TRDN: variants seen among roughly 807,000 people sequenced by gnomAD.
TRDN encodes the protein triadin in skeletal muscle.
A neutral mutation model predicts 149.7 loss-of-function variants in TRDN; 161 were observed. The observed-to-expected ratio is 1.08, with a 90% CI of 0.95 to 1.23. The LOEUF (loss-of-function observed/expected upper bound fraction) is 1.23, where lower values mean the gene tolerates loss of function less well. TRDN is among the 50% of genes most tolerant of loss of function. The pLI is 0.00. For synonymous variants in TRDN, 294 were observed against 250.5 expected (o/e 1.17, Z -1.64); for missense variants, 896 against 823.5 (o/e 1.09, Z -1.08).
chr6:123,580,503 T>G (rs767410259), intron 1 of TRDN, among the ~76,000 whole-genome samples: 20 of 152,212 alleles, frequency 1.3e-4, no homozygotes, highest in Admixed American at 6.5e-4. Flanking sequence ...TTTCTTGTTC[T>G]CTGCAATGGC....
intron 10 of TRDN, among the ~76,000 whole-genome samples, chr6:123,452,460 A>G (rs536410686): frequency 6.6e-6 from 1 of 151,486 alleles, no homozygotes; most frequent in East Asian, 2.0e-4. Context: ...GCAACAACCA[A>G]GCAGAAAATT....
Position 123,636,790 on chromosome 6 carries a change from G to GT in TRDN, c.-16dup, listed in dbSNP as rs1208189380. 1 of 1,611,330 alleles carries GT rather than the reference G, an allele frequency of 6.2e-7. No individual in the cohort carries two copies. The highest frequency in any genetic ancestry group is 8.5e-7 in the Non-Finnish European group (1 of 1,178,294). ...ATCTCAGTCATGGTGGTCGTCAAAA[G>GT]TAAAAGTCAGTTGAAAAGTTCCCGT... On this transcript the variant is annotated 5_prime_UTR_variant, in exon 1 of 41. Coordinates refer to ENST00000334268, the MANE Select transcript of TRDN (RefSeq NM_006073.4).
intron 23 of TRDN, among the ~76,000 whole-genome samples, chr6:123,321,839 C>T (rs1779254714): frequency 6.6e-6 from 1 of 151,032 alleles, no homozygotes; most frequent in South Asian, 2.1e-4. Context: ...AGACACAATG[C>T]TTTGTGGTCC....
intron 9 of TRDN, among the ~76,000 whole-genome samples, chr6:123,494,628 A>T (rs1283003573): frequency 6.6e-6 from 1 of 152,194 alleles, no homozygotes; most frequent in East Asian, 1.9e-4. Context: ...GTCTCATCTC[A>T]TATGTAAGTA....
chr6:123,327,259 C>T (rs1779492046), intron 23 of TRDN, among the ~76,000 whole-genome samples: 1 of 151,996 alleles, frequency 6.6e-6, no homozygotes, highest in Admixed American at 6.6e-5. Context: ...ATTTCCATAT[C>T]ATTTTAATTA....
At chr6:123,347,094 G>A (rs1183207309) in intron 21 of TRDN, among the ~76,000 whole-genome samples, 8 of 152,006 alleles carry the variant, frequency 5.3e-5, no homozygotes, top group African/African-American at 1.9e-4. Flanking sequence ...GTCACACTGA[G>A]GCTTGGTAGC....
intron 9 of TRDN, among the ~76,000 whole-genome samples, chr6:123,467,917 C>T (rs1288727244): frequency 6.6e-6 from 1 of 152,138 alleles, no homozygotes; most frequent in Admixed American, 6.5e-5. Flanking sequence ...AGCTTCAGAT[C>T]TGTCACTTAG....
intron 10 of TRDN, among the ~76,000 whole-genome samples, chr6:123,447,116 C>A (rs1186586155): frequency 6.7e-6 from 1 of 149,806 alleles, no homozygotes; most frequent in Non-Finnish European, 1.5e-5. Context: ...TTTTTTTTTG[C>A]CTTGACTTTT....
At chr6:123,395,637 G>A (rs1324476519) in intron 12 of TRDN, among the ~76,000 whole-genome samples, 1 of 152,086 alleles carries the variant, frequency 6.6e-6, no homozygotes, top group Admixed American at 6.5e-5. Context: ...AAAGAAAACA[G>A]TCCACAAATG....
At chr6:123,611,739 A>ATAT (rs1186129838) in intron 1 of TRDN, among the ~76,000 whole-genome samples, 1 of 152,136 alleles carries the variant, frequency 6.6e-6, no homozygotes, top group Admixed American at 6.6e-5. Context: ...TTTTCACCAA[A>ATAT]TATTCTTGAT....
At chr6:123,527,088 A>G (rs1779987611) in intron 5 of TRDN, among the ~76,000 whole-genome samples, 1 of 152,026 alleles carries the variant, frequency 6.6e-6, no homozygotes, top group African/African-American at 2.4e-5. Flanking sequence ...GAAGTTACCA[A>G]ATTTGGATTC....
intron 9 of TRDN, 110 bp downstream of exon 9, chr6:123,497,083 T>G (rs1778480751): frequency 2.7e-6 from 2 of 752,242 alleles, no homozygotes; most frequent in Non-Finnish European, 4.1e-6. Flanking sequence ...GATCTACACA[T>G]GCATTATGCA....
chr6:123,365,759 C>T (rs547984825), intron 20 of TRDN, among the ~76,000 whole-genome samples: 18 of 152,254 alleles, frequency 1.2e-4, no homozygotes, highest in African/African-American at 4.3e-4. Flanking sequence ...CAAAGTGAAT[C>T]TTGTTCATGT....
intron 9 of TRDN, among the ~76,000 whole-genome samples, chr6:123,478,277 T>A (rs575877935): frequency 6.6e-6 from 1 of 152,300 alleles, no homozygotes. Flanking sequence ...TACATGGTCA[T>A]TTTCTGTTTA....
At chr6:123,439,033 A>G (rs1774737108) in intron 10 of TRDN, 30 bp from the exon 11 acceptor site, 2 of 1,511,828 alleles carry the variant, frequency 1.3e-6, no homozygotes, top group Non-Finnish European at 8.9e-7. Context: ...TATTTCCTTT[A>G]GGGAAATTTA....
chr6:123,260,107 C>G (rs1219144676), intron 34 of TRDN, among the ~76,000 whole-genome samples: 1 of 151,998 alleles, frequency 6.6e-6, no homozygotes, highest in Non-Finnish European at 1.5e-5. Context: ...CACTTCCTCC[C>G]CTTTTCTTTT....
intron 10 of TRDN, among the ~76,000 whole-genome samples, chr6:123,444,652 T>C (rs1435280060): frequency 2.0e-5 from 3 of 151,628 alleles, no homozygotes; most frequent in African/African-American, 7.3e-5. Context: ...ATATTGGCTG[T>C]GGGTTTGTCA....
chr6:123,552,606 A>C (rs73536792), intron 2 of TRDN, among the ~76,000 whole-genome samples: 4,856 of 152,252 alleles, frequency 0.032, 108 homozygotes, highest in African/African-American at 0.066. Flanking sequence ...GAGAAACAGT[A>C]ATAATCATTC....
intron 31 of TRDN, among the ~76,000 whole-genome samples, chr6:123,268,186 T>C (rs1375364757): frequency 2.0e-5 from 3 of 152,014 alleles, no homozygotes; most frequent in African/African-American, 7.2e-5. Context: ...TTAGAAGCAA[T>C]GCACTGCTGA....
Sources: allele counts gnomAD v4.1 joint callset (sites outside exome capture counted in the v4.1 genomes callset), GRCh38; gene constraint gnomAD v4.1.1; transcripts MANE v1.5; gene names NCBI Gene and HGNC (gene_info 2026-07-23, HGNC 2026-07-21).